Variants in DOCK10 observed in about 807,000 individuals in gnomAD.
The protein encoded by DOCK10 is dedicator of cytokinesis protein 10.
In DOCK10, 145 loss-of-function variants were observed where a neutral mutation model predicts 280.1. The observed-to-expected ratio is 0.52, with a 90% CI of 0.45 to 0.59. The LOEUF (loss-of-function observed/expected upper bound fraction) is 0.59, where lower values mean the gene tolerates loss of function less well. Among genes scored for constraint, DOCK10 ranks in the 20% least tolerant of loss-of-function variants. DOCK10 has a pLI of 0.00. For synonymous variants in DOCK10, 915 were observed against 942.2 expected (o/e 0.97, Z 0.53); for missense variants, 2,368 against 2,651.7 (o/e 0.89, Z 2.35).
At chr2:224,947,719 C>A (rs1283865944) in intron 1 of DOCK10, among the ~76,000 whole-genome samples, 1 of 152,124 alleles carries the variant, frequency 6.6e-6, no homozygotes, top group African/African-American at 2.4e-5. Context: ...CCCAGATGCT[C>A]TTTCCTGTTT....
intron 1 of DOCK10, among the ~76,000 whole-genome samples, chr2:225,011,222 G>A (rs1423009287): frequency 5.9e-5 from 9 of 152,184 alleles, no homozygotes; most frequent in African/African-American, 1.2e-4. Context: ...AGGCAATGTC[G>A]CAGTAGTTGC....
intron 2 of DOCK10, among the ~76,000 whole-genome samples, chr2:224,923,676 C>A (rs1425370120): frequency 6.6e-6 from 1 of 152,244 alleles, no homozygotes; most frequent in African/African-American, 2.4e-5. Context: ...TGGCTGCCCG[C>A]ATTTCTCCTT....
intron 1 of DOCK10, among the ~76,000 whole-genome samples, chr2:225,031,148 C>A (rs1456446302): frequency 2.0e-5 from 3 of 152,212 alleles, no homozygotes; most frequent in Non-Finnish European, 4.4e-5. Flanking sequence ...ACCTCTTCCT[C>A]CTCCTCCAGG....
chr2:224,814,132 A>G (rs10173628), intron 31 of DOCK10, among the ~76,000 whole-genome samples, 188 bp downstream of exon 31: 27,444 of 152,174 alleles, frequency 0.18, 3,759 homozygotes, highest in African/African-American at 0.39. Context: ...AATACGAAAG[A>G]ATTGAAATTA....
At chr2:224,897,501 T>G (rs1700053781) in intron 3 of DOCK10, among the ~76,000 whole-genome samples, 2 of 152,130 alleles carry the variant, frequency 1.3e-5, no homozygotes, top group African/African-American at 2.4e-5. Context: ...TAGGCCTTAT[T>G]CATTCATTCT....
At chr2:224,816,006 C>A (rs1694111694) in intron 30 of DOCK10, among the ~76,000 whole-genome samples, 1 of 152,132 alleles carries the variant, frequency 6.6e-6, no homozygotes, top group East Asian at 1.9e-4. Flanking sequence ...GTACTCCCAG[C>A]CTGGGTGACA....
chr2:224,952,431 C>G (rs1251912767), intron 1 of DOCK10, among the ~76,000 whole-genome samples: 3 of 151,732 alleles, frequency 2.0e-5, no homozygotes, highest in African/African-American at 7.3e-5. Flanking sequence ...AAAATACTGG[C>G]AGTGAAATAC....
chr2:224,917,337 C>A (rs1029572596), intron 2 of DOCK10, among the ~76,000 whole-genome samples: 2 of 152,056 alleles, frequency 1.3e-5, no homozygotes, highest in East Asian at 1.9e-4. Context: ...GAACTCCTGA[C>A]CTCAGGTAAT....
intron 1 of DOCK10, among the ~76,000 whole-genome samples, chr2:225,006,845 G>T (rs1689277510): frequency 6.6e-6 from 1 of 152,154 alleles, no homozygotes; most frequent in Non-Finnish European, 1.5e-5. Flanking sequence ...TTGAAAAGGG[G>T]GAAATAAAAT....
chr2:224,772,093 G>A, intron 53 of DOCK10, among the ~76,000 whole-genome samples: 1 of 151,798 alleles, frequency 6.6e-6, no homozygotes, highest in East Asian at 1.9e-4. Flanking sequence ...GCTAATTTTT[G>A]TATTTTTAGT....
At chr2:224,998,910 G>T (rs1310119829) in intron 1 of DOCK10, among the ~76,000 whole-genome samples, 1 of 152,136 alleles carries the variant, frequency 6.6e-6, no homozygotes, top group African/African-American at 2.4e-5. Context: ...TTTATAGCCG[G>T]GTGTGGTGGC....
chr2:225,004,120 TCCCAATCA>T (rs1706510403), intron 1 of DOCK10, among the ~76,000 whole-genome samples: 1 of 152,188 alleles, frequency 6.6e-6, no homozygotes, highest in Non-Finnish European at 1.5e-5. Flanking sequence ...TATGCCCATA[TCCCAATCA>T]CTGGAACTCA....
intron 1 of DOCK10, among the ~76,000 whole-genome samples, chr2:225,035,571 T>C (rs1160792760): frequency 6.8e-5 from 3 of 43,852 alleles, no homozygotes; most frequent in Non-Finnish European, 1.7e-4. Flanking sequence ...TATATATATA[T>C]ATATATATAT....
intron 4 of DOCK10, among the ~76,000 whole-genome samples, chr2:224,888,218 C>CGTGT (rs1157465599): frequency 7.1e-5 from 10 of 140,352 alleles, no homozygotes; most frequent in Middle Eastern, 3.6e-3. Context: ...TTAATATAGG[C>CGTGT]CTGTGTGTGT....
intron 28 of DOCK10, among the ~76,000 whole-genome samples, chr2:224,822,696 A>T (rs1300863519): frequency 6.6e-6 from 1 of 152,138 alleles, no homozygotes; most frequent in East Asian, 1.9e-4. Flanking sequence ...TTGGGTTGAC[A>T]GAGTGAGATC....
At chr2:224,892,386 A>G (rs1160919127) in intron 4 of DOCK10, among the ~76,000 whole-genome samples, 1 of 125,604 alleles carries the variant, frequency 8.0e-6, no homozygotes, top group Non-Finnish European at 1.6e-5. Context: ...GGACGAAGTG[A>G]GACCCTGTCT....
chr2:224,985,770 A>T (rs1327796649), intron 1 of DOCK10, among the ~76,000 whole-genome samples: 34 of 152,182 alleles, frequency 2.2e-4, no homozygotes. Flanking sequence ...ACAAATCTTG[A>T]CTAATGAATT....
Position 224,837,760 on chromosome 2 carries a change from A to T in DOCK10, c.2850+2T>A. ...GAGCAATTTCCAAGAGGCATTTCATACCTTAATATATGACTGGACAGAATG... is the reference window on the plus strand; with the variant it reads ...GAGCAATTTCCAAGAGGCATTTCATTCCTTAATATATGACTGGACAGAATG... On this transcript the variant is annotated splice_donor_variant, in intron 25 of 55. Transcript: ENST00000258390. LOFTEE classifies it high-confidence loss of function. 6.2e-7 allele frequency: 1 copy of T among 1,612,946 alleles called. No homozygotes were observed. The highest frequency in any genetic ancestry group is 8.5e-7 in the Non-Finnish European group (1 of 1,178,944).
chr2:224,945,160 C>G (rs1703324414), intron 1 of DOCK10, among the ~76,000 whole-genome samples: 1 of 152,198 alleles, frequency 6.6e-6, no homozygotes, highest in South Asian at 2.1e-4. Flanking sequence ...ATCCATGCTA[C>G]TTCTAAATTC....
Sources: allele counts gnomAD v4.1 joint callset (sites outside exome capture counted in the v4.1 genomes callset), GRCh38; gene constraint gnomAD v4.1.1; transcripts MANE v1.5; gene names NCBI Gene and HGNC (gene_info 2026-07-23, HGNC 2026-07-21).